The following FMN1 variants were observed in gnomAD, a reference collection of about 807,000 sequenced individuals.
FMN1 encodes the protein formin-1.
FMN1 carries 110 observed loss-of-function variants against 132.4 expected under a neutral mutation model. The ratio of observed to expected loss-of-function variants is 0.83; its 90% CI spans 0.71 to 0.97. The LOEUF (loss-of-function observed/expected upper bound fraction) is 0.97. Among genes scored for constraint, FMN1 ranks in the 50% least tolerant of loss-of-function variants. FMN1 has a pLI of 0.00. For missense variants in FMN1, 1,792 were observed against 1,705.3 expected (o/e 1.05, Z -0.90); for synonymous variants, 722 against 651.7 (o/e 1.11, Z -1.64).
intron 9 of FMN1, among the ~76,000 whole-genome samples, 200 bp downstream of exon 9, chr15:32,963,907 A>T (rs896193990): frequency 6.6e-6 from 1 of 151,068 alleles, no homozygotes; most frequent in African/African-American, 2.5e-5. Context: ...AACAGCATGT[A>T]ATGAATTCCT....
At chr15:33,073,802 C>G (rs2141288341) in intron 5 of FMN1, among the ~76,000 whole-genome samples, 1 of 151,326 alleles carries the variant, frequency 6.6e-6, no homozygotes, top group African/African-American at 2.4e-5. Flanking sequence ...ACAATCACTG[C>G]TCAGGCAGCC....
Position 33,000,359 on chromosome 15 carries a change from G to A in FMN1, c.2223+7655C>T, listed in dbSNP as rs1011106961. 2.0e-5 allele frequency among the ~76,000 whole-genome samples: 3 copies of A among 149,342 alleles called. No homozygotes were observed. The East Asian group carries it at 6.0e-4, about 30-fold the overall frequency. ...AGCTACTCGGGAGGCTGAGGCAGGA[G>A]AATGGCGTGAACCTGGGAGGCAGAG... On this transcript the variant is annotated intron_variant, in intron 7 of 20. Coordinates refer to ENST00000616417, the MANE Select transcript of FMN1 (RefSeq NM_001277313.2).
intron 6 of FMN1, among the ~76,000 whole-genome samples, chr15:33,055,824 G>C (rs1244036185): frequency 6.6e-6 from 1 of 152,050 alleles, no homozygotes; most frequent in African/African-American, 2.4e-5. Flanking sequence ...TTAAGAGAGA[G>C]AAAAAACACT....
intron 3 of FMN1, among the ~76,000 whole-genome samples, chr15:33,159,879 A>G (rs1446304554): frequency 6.6e-6 from 1 of 152,242 alleles, no homozygotes; most frequent in Admixed American, 6.5e-5. Flanking sequence ...CTATGATTAG[A>G]GGAACTGTAG....
intron 9 of FMN1, among the ~76,000 whole-genome samples, chr15:32,949,221 G>A (rs1036493488): frequency 2.0e-5 from 3 of 151,982 alleles, no homozygotes; most frequent in Non-Finnish European, 2.9e-5. Context: ...CCAAAAAAGA[G>A]CCCGAATAGC....
chr15:33,066,380 A>G, intron 5 of FMN1: 4 of 808,090 alleles, frequency 4.9e-6, no homozygotes, highest in Non-Finnish European at 7.6e-6. Context: ...GGACAATATA[A>G]TTTGACTATA....
chr15:32,919,712 G>A (rs2060774220), intron 10 of FMN1, among the ~76,000 whole-genome samples: 1 of 152,206 alleles, frequency 6.6e-6, no homozygotes, highest in South Asian at 2.1e-4. Flanking sequence ...AGCCTTTTGA[G>A]TAGACACTCT....
At chr15:33,076,599 G>T (rs2038219953) in intron 5 of FMN1, among the ~76,000 whole-genome samples, 1 of 152,148 alleles carries the variant, frequency 6.6e-6, no homozygotes, top group Non-Finnish European at 1.5e-5. Flanking sequence ...GGTTCTTTAT[G>T]CAAGTTTTCT....
rs150519874 is a variant in FMN1, at chr15:32,924,850, G to A, written c.3226+1324C>T. 2.7e-3 allele frequency among the ~76,000 whole-genome samples: 414 copies of A among 152,254 alleles called. 4 individuals carry two copies. The highest frequency in any genetic ancestry group is 9.7e-3 in the African/African-American group (404 of 41,544). Reference sequence around the variant, plus strand: ...AATCACTTGAATCCGGGAGGCAGAGGTTGCGGTGAGCCGAGATCACGCCAC... The same window carrying A: ...AATCACTTGAATCCGGGAGGCAGAGATTGCGGTGAGCCGAGATCACGCCAC... On this transcript the variant is annotated intron_variant, in intron 10 of 20. Transcript: ENST00000616417.
chr15:32,993,547 A>C (rs1299741861), intron 7 of FMN1, among the ~76,000 whole-genome samples: 1 of 151,608 alleles, frequency 6.6e-6, no homozygotes, highest in African/African-American at 2.4e-5. Context: ...AAGTGTATCC[A>C]GTTAACAAGA....
At chr15:33,136,587 G>A (rs567081412) in intron 4 of FMN1, among the ~76,000 whole-genome samples, 21 of 152,252 alleles carry the variant, frequency 1.4e-4, no homozygotes, top group South Asian at 4.1e-4. Flanking sequence ...AGCAAGGATC[G>A]TGGTAATGGC....
chr15:33,143,774 T>C (rs1964101672), intron 4 of FMN1, among the ~76,000 whole-genome samples: 1 of 152,194 alleles, frequency 6.6e-6, no homozygotes, highest in Non-Finnish European at 1.5e-5. Context: ...ATAATTTTCT[T>C]AAAAGAATCA....
chr15:32,840,058 CG>C (rs1291868286), intron 17 of FMN1, among the ~76,000 whole-genome samples: 1 of 152,194 alleles, frequency 6.6e-6, no homozygotes, highest in African/African-American at 2.4e-5. Context: ...GAATCCTCCC[CG>C]GGAGGAGAGC....
chr15:32,810,171 C>G (rs1350576915), intron 17 of FMN1, among the ~76,000 whole-genome samples: 1 of 152,184 alleles, frequency 6.6e-6, no homozygotes, highest in Admixed American at 6.5e-5. Flanking sequence ...TCTGCCTCAG[C>G]CTCCCAAAGT....
intron 7 of FMN1, among the ~76,000 whole-genome samples, chr15:32,974,790 G>T (rs1171180132): frequency 9.2e-6 from 1 of 109,010 alleles, no homozygotes; most frequent in Non-Finnish European, 2.2e-5. Context: ...TTTTGGCAAT[G>T]ACTTTCACTT....
At chr15:32,852,143 G>A (rs1053907922) in intron 17 of FMN1, among the ~76,000 whole-genome samples, 2 of 152,256 alleles carry the variant, frequency 1.3e-5, no homozygotes, top group African/African-American at 4.8e-5. Context: ...CATGAGCCCA[G>A]CATCTCTACC....
chr15:32,785,223 T>A (rs1316838790), intron 19 of FMN1, among the ~76,000 whole-genome samples: 6,468 of 83,210 alleles, frequency 0.078, 1,145 homozygotes, highest in East Asian at 0.29. Flanking sequence ...TATATATTTT[T>A]TTTTTTTTTT....
rs746996555 is a variant in FMN1, at chr15:33,153,831, C to T, written c.1084G>A (p.Ala362Thr). Residue 362 changes from alanine (A) to threonine (T), a missense_variant, in exon 4 of 21, where the codon GCT (alanine) becomes ACT (threonine). Coordinates refer to ENST00000616417, the MANE Select transcript of FMN1 (RefSeq NM_001277313.2). ...AAGTCGGCTTTGGGTACAAACTCAG[C>T]GTGGGCTGCTGGGCGAATGGCAATC... ...ETIAIRPAAHAEFVPKADLLT... is the reference protein window; with the variant it reads ...ETIAIRPAAHTEFVPKADLLT... 13 of 1,536,368 alleles carry T rather than the reference C, an allele frequency of 8.5e-6. No homozygotes were observed. The highest frequency in any genetic ancestry group is 2.4e-5 in the East Asian group (1 of 40,922).
chr15:32,903,180 G>A (rs1489676429), intron 12 of FMN1, among the ~76,000 whole-genome samples: 1 of 151,526 alleles, frequency 6.6e-6, no homozygotes, highest in African/African-American at 2.4e-5. Context: ...TCTTTTTTTA[G>A]ATGACATTTA....
Sources: allele counts gnomAD v4.1 joint callset (sites outside exome capture counted in the v4.1 genomes callset), GRCh38; gene constraint gnomAD v4.1.1; transcripts MANE v1.5; gene names NCBI Gene and HGNC (gene_info 2026-07-23, HGNC 2026-07-21).